The following USH2A variants were observed in gnomAD, a reference collection of about 807,000 sequenced individuals.
The protein encoded by USH2A is usherin.
A neutral mutation model predicts 538.9 loss-of-function variants in USH2A; 443 were observed. That is an observed-to-expected ratio of 0.82 (90% confidence interval 0.76 to 0.89). The LOEUF is 0.89. USH2A is among the 40% of genes least tolerant of loss of function. The pLI, the probability that USH2A is intolerant of heterozygous loss-of-function variation, is 0.00. For synonymous variants in USH2A, 2,413 were observed against 2,273.5 expected (o/e 1.06, Z -1.75); for missense variants, 6,633 against 6,324.8 (o/e 1.05, Z -1.65).
Position 216,199,920 on chromosome 1 carries a change from G to T in USH2A, c.3518C>A (p.Ser1173Ter). The change falls in exon 17 of 72, where the codon TCA (serine) becomes TAA (stop). Residue 1173 changes from serine (S) to a stop codon, truncating the protein, a stop_gained. Transcript: ENST00000307340. LOFTEE classifies it high-confidence loss of function. ...TTTCTCTATGGGACCAGATTGATTT[G>T]AGAGTGTTGTCCAGGTAAGTGTCAC... The part of the protein sequence containing the change: ...DSVTLTWTTL[S>*]NQSGPIEKYI... 1 of 1,614,132 alleles carries T rather than the reference G, an allele frequency of 6.2e-7. No homozygotes were observed. The highest frequency in any genetic ancestry group is 8.5e-7 in the Non-Finnish European group (1 of 1,180,004).
intron 11 of USH2A, among the ~76,000 whole-genome samples, chr1:216,273,784 A>G (rs2036617935): frequency 6.6e-6 from 1 of 150,688 alleles, no homozygotes; most frequent in Admixed American, 6.6e-5. Context: ...TAAATAGAGA[A>G]TGCTTACCCC....
chr1:216,213,579 A>G (rs2035287060), intron 15 of USH2A, among the ~76,000 whole-genome samples: 1 of 152,058 alleles, frequency 6.6e-6, no homozygotes, highest in Non-Finnish European at 1.5e-5. Flanking sequence ...TACCATGTAC[A>G]AAACTAATTC....
Position 216,008,952 on chromosome 1 carries a change from T to TG in USH2A, c.6326-8391dup, listed in dbSNP as rs138330938. ...ATTATTCACCCCTTCTCTGCCTTTC[T>TG]GGGGGGCAAGAAACCCCCAACCTCT... On this transcript the variant is annotated intron_variant, in intron 32 of 71. Coordinates refer to ENST00000307340, the MANE Select transcript of USH2A (RefSeq NM_206933.4). 0.014 allele frequency among the ~76,000 whole-genome samples: 2,091 copies of TG among 152,080 alleles called. 155 individuals are homozygous for TG. In the South Asian group the frequency reaches 0.18, roughly 13 times the overall value.
At chr1:216,126,216 G>C (rs2033250569) in intron 21 of USH2A, among the ~76,000 whole-genome samples, 1 of 134,618 alleles carries the variant, frequency 7.4e-6, no homozygotes, top group Non-Finnish European at 1.6e-5. Context: ...TTTTTTTGTT[G>C]TTGTTGTTTT....
Position 215,879,714 on chromosome 1 carries a change from T to C in USH2A, c.8224-616A>G, listed in dbSNP as rs1304859793. On this transcript the variant is annotated intron_variant, in intron 41 of 71. Coordinates refer to ENST00000307340, the MANE Select transcript of USH2A (RefSeq NM_206933.4). ...TTGAAAAAGGGAAGCCAAAGATGTT[T>C]GTGCTTAGCTAACATGTGGACTTGA... Among the ~76,000 whole-genome samples, 5 of 152,332 alleles carry C rather than the reference T, an allele frequency of 3.3e-5. No individual in the cohort carries two copies. In the East Asian group the frequency reaches 7.7e-4, roughly 23 times the overall value.
chr1:216,012,402 C>T (rs1350658190), intron 32 of USH2A, among the ~76,000 whole-genome samples: 1 of 152,036 alleles, frequency 6.6e-6, no homozygotes, highest in Non-Finnish European at 1.5e-5. Context: ...CTCAACATGC[C>T]CCTAGTCAGA....
chr1:215,759,826 G>C lies in USH2A; in HGVS notation c.11065C>G (p.Arg3689Gly). 2 of 1,613,850 alleles carry C rather than the reference G, an allele frequency of 1.2e-6. No homozygotes were observed. Among genetic ancestry groups the C allele is most frequent in the Non-Finnish European group, 1.7e-6 (2 of 1,179,862 alleles). ...GTTGTAGAATTGATGATAATGTGTC[G>C]AGGTGTCACCCAAACTCCTGGCAAG... ...AAPEGVWVTPRHIIINSTTVE... is the reference protein window; with the variant it reads ...AAPEGVWVTPGHIIINSTTVE... The change falls in exon 57 of 72, where the codon CGA becomes GGA. Residue 3689 changes from arginine (R) to glycine (G), a missense_variant. Coordinates refer to ENST00000307340, the MANE Select transcript of USH2A (RefSeq NM_206933.4).
chr1:216,268,826 C>A (rs763688611), intron 11 of USH2A, among the ~76,000 whole-genome samples: 48 of 152,064 alleles, frequency 3.2e-4, no homozygotes, highest in Non-Finnish European at 5.9e-4. Context: ...GAAATGCCAT[C>A]TTTTCAATTA....
chr1:215,626,382 T>G (rs1487910832), intron 71 of USH2A, among the ~76,000 whole-genome samples: 1 of 151,538 alleles, frequency 6.6e-6, no homozygotes, highest in East Asian at 1.9e-4. Flanking sequence ...CAGTCTGGTC[T>G]TGAACTCCTG....
intron 3 of USH2A, among the ~76,000 whole-genome samples, chr1:216,391,171 A>G (rs2039100241): frequency 6.6e-6 from 1 of 152,230 alleles, no homozygotes. Flanking sequence ...AGCTGGTGCT[A>G]TGAATCAACC....
At chr1:215,870,209 C>T (rs199863409) in intron 43 of USH2A, among the ~76,000 whole-genome samples, 1 of 151,694 alleles carries the variant, frequency 6.6e-6, no homozygotes, top group Non-Finnish European at 1.5e-5. Context: ...CATTTGAGGC[C>T]GTACATTTGT....
chr1:215,687,367 AG>A lies in USH2A; in HGVS notation c.12067-6992del, dbSNP rs925318429. ...GAAGAATGATACGTGAAAAGGGAGA[AG>A]GTTTTTTTTTTCCTCTCTTTAGAAT... is the stretch of plus-strand genomic sequence containing the variant. On this transcript the variant is annotated intron_variant, in intron 61 of 71. Coordinates refer to ENST00000307340, the MANE Select transcript of USH2A (RefSeq NM_206933.4). Among the ~76,000 whole-genome samples the A allele has an allele frequency of 4.1e-5, 6 of 146,460 alleles. 1 individual carries two copies. Among genetic ancestry groups the A allele is most frequent in the Non-Finnish European group, 6.0e-5 (4 of 66,258 alleles).
intron 61 of USH2A, among the ~76,000 whole-genome samples, chr1:215,693,462 G>A (rs1419700169): frequency 6.6e-6 from 1 of 152,096 alleles, no homozygotes; most frequent in African/African-American, 2.4e-5. Flanking sequence ...GAGTCATACT[G>A]CTGACAAGAG....
intron 70 of USH2A, among the ~76,000 whole-genome samples, chr1:215,632,348 C>T (rs555349013): frequency 5.9e-5 from 9 of 152,286 alleles, no homozygotes; most frequent in South Asian, 4.2e-4. Context: ...TTTGACAAAA[C>T]GAAGCTTAAC....
At chr1:216,174,109 G>C (rs1170555354) in intron 21 of USH2A, 2 of 985,038 alleles carry the variant, frequency 2.0e-6, no homozygotes, top group Non-Finnish European at 1.2e-6. Context: ...TTACCAAGGT[G>C]CATCAGCAGC....
intron 21 of USH2A, among the ~76,000 whole-genome samples, chr1:216,144,624 T>C (rs2033660459): frequency 6.6e-6 from 1 of 152,146 alleles, no homozygotes; most frequent in Admixed American, 6.5e-5. Context: ...GATAGAAACA[T>C]AAAAATGGTA....
At chr1:216,310,498 T>C (rs1199843660) in intron 9 of USH2A, among the ~76,000 whole-genome samples, 1 of 152,170 alleles carries the variant, frequency 6.6e-6, no homozygotes, top group Non-Finnish European at 1.5e-5. Context: ...GTATTAATAA[T>C]TTTCTATATA....
intron 54 of USH2A, among the ~76,000 whole-genome samples, chr1:215,781,593 A>G: frequency 6.6e-6 from 1 of 152,164 alleles, no homozygotes. Context: ...TGACAAGGCT[A>G]TAGCAGAAGG....
At chr1:215,904,462 C>T (rs781643190) in intron 38 of USH2A, among the ~76,000 whole-genome samples, 1 of 152,034 alleles carries the variant, frequency 6.6e-6, no homozygotes, top group Non-Finnish European at 1.5e-5. Flanking sequence ...TGTATGCTTC[C>T]AGTAACACTG....
Sources: allele counts gnomAD v4.1 joint callset (sites outside exome capture counted in the v4.1 genomes callset), GRCh38; gene constraint gnomAD v4.1.1; transcripts MANE v1.5; gene names NCBI Gene and HGNC (gene_info 2026-07-23, HGNC 2026-07-21).